Variants in LY6G5C observed in about 807,000 individuals in gnomAD.
LY6G5C encodes the protein lymphocyte antigen 6 family member G5C, also known as lymphocyte antigen 6 complex locus protein G5c.
In LY6G5C, 6 loss-of-function variants were observed where a neutral mutation model predicts 10.5. The ratio of observed to expected loss-of-function variants is 0.57; its 90% confidence interval spans 0.31 to 1.12. The LOEUF is 1.12. LY6G5C is among the 50% of genes most tolerant of loss of function. The probability of loss-of-function intolerance (pLI) is 0.05; values close to 1 mark genes in which losing one functional copy is unlikely to be tolerated. For synonymous variants in LY6G5C, 69 were observed against 67.8 expected (o/e 1.02, Z -0.09); for missense variants, 160 against 185.5 (o/e 0.86, Z 0.80).
At position 31,679,748 on chromosome 6, in the gene LY6G5C, C is replaced by T. The variant is rs1181235403; in HGVS notation, c.122-480G>A. 5.2e-6 allele frequency: 1 copy of T among 192,786 alleles called. No individual in the cohort carries two copies. The highest frequency in any genetic ancestry group is 1.1e-5 in the Non-Finnish European group (1 of 91,482). The allele number at this position is 192,786 out of a possible 1,614,324, so 11.9% of individuals were successfully genotyped here. A position where few individuals can be genotyped will look rare whatever the true frequency, so the allele number is the denominator to read the frequency against. On this transcript the variant is annotated intron_variant, in intron 1 of 2. Transcript: ENST00000383237. The surrounding 1 kb of genome is among the most constrained non-coding windows in gnomAD (Gnocchi z 4.4). ...AAGTGAGACAGCCCTGGGGTGGTCA[C>T]TAGAAATCTCCTTCAGAGGCTGGGT...
upstream of LY6G5C, chr6:31,680,412 G>A: frequency 6.3e-7 from 1 of 1,587,386 alleles, no homozygotes; most frequent in Non-Finnish European, 8.6e-7. The surrounding 1 kb of genome is among the most constrained non-coding windows in gnomAD (Gnocchi z 4.5). Context: ...TATATTGGTG[G>A]AAGAGAGGTT....
chr6:31,677,009 C>G, exon 3 of LY6G5C: 1 of 1,612,972 alleles, frequency 6.2e-7, no homozygotes, highest in Non-Finnish European at 8.5e-7. Flanking sequence ...ATCCAGGAAG[C>G]AGTATTGAGA....
At chr6:31,680,758 G>A (rs1802844246), upstream of LY6G5C, among the ~76,000 whole-genome samples, 1 of 152,242 alleles carries the variant, frequency 6.6e-6, no homozygotes, top group Admixed American at 6.5e-5. This position sits in a 1 kb window ranked among gnomAD's most constrained non-coding sequence, Gnocchi z 4.5. Flanking sequence ...CCACTGACCA[G>A]AGGGATTTCG....
At position 31,679,829 on chromosome 6, in the gene LY6G5C, C is replaced by T. The variant is rs1802782930; in HGVS notation, c.121+424G>A. 1.1e-5 allele frequency: 2 copies of T among 189,466 alleles called. No individual in the cohort carries two copies. The highest frequency in any genetic ancestry group is 5.3e-5 in the Admixed American group (1 of 18,714). The allele number at this position is 189,466 out of a possible 1,614,324, so 11.7% of individuals were successfully genotyped here. A position where few individuals can be genotyped will look rare whatever the true frequency, so the allele number is the denominator to read the frequency against. On this transcript the variant is annotated intron_variant, in intron 1 of 2. Transcript: ENST00000383237. The surrounding 1 kb of genome is among the most constrained non-coding windows in gnomAD (Gnocchi z 4.4). ...TTGGGAGGCCAAGGCGGGCAGGTAC[C>T]TGAGGTCAGGAGTTCGAGACCAGCC...
chr6:31,680,409 G>A, upstream of LY6G5C: 1 of 1,589,618 alleles, frequency 6.3e-7, no homozygotes, highest in Non-Finnish European at 8.6e-7. The surrounding 1 kb of genome is among the most constrained non-coding windows in gnomAD (Gnocchi z 4.5). Context: ...GCTTATATTG[G>A]TGGAAGAGAG....
chr6:31,678,956 G>C, intron 2 of LY6G5C, 145 bp downstream of exon 2: 1 of 901,418 alleles, frequency 1.1e-6, no homozygotes, highest in Non-Finnish European at 1.7e-6. Context: ...CTCCAGCCTG[G>C]GTGACAGAGC....
In LY6G5C at chr6:31,679,370, C is replaced by T. The variant is rs1377567741; in HGVS notation, c.122-102G>A. ...CTCAGCCCCACTCCTCCCTCCCTTC[C>T]TGTCTCAGAAAACCATCAAAGCCCC... On this transcript the variant is annotated intron_variant, in intron 1 of 2. Transcript: ENST00000383237. The surrounding 1 kb of genome is among the most constrained non-coding windows in gnomAD (Gnocchi z 4.4). 1 of 1,317,282 alleles carries T rather than the reference C, an allele frequency of 7.6e-7. No homozygotes were observed. Among genetic ancestry groups the T allele is most frequent in the African/African-American group, 1.5e-5 (1 of 68,954 alleles). The allele number at this position is 1,317,282 out of a possible 1,614,324, so 81.6% of individuals were successfully genotyped here.
rs752321913 is a variant in LY6G5C at position 31,677,054 on chromosome 6, G to A, written c.356C>T (p.Thr119Ile). ...GAAGCCAGACACCGGAGAAGTTCGG[G>A]TATTTGAACAATCACTCATCTGCTC... Residue 119 changes from threonine (T) to isoleucine (I), a missense_variant, in exon 3 of 3, where the codon ACC (threonine) becomes ATC (isoleucine). Physicochemically the swap from Thr to Ile is moderately conservative, Grantham distance 89. Coordinates refer to ENST00000383237, the Ensembl canonical transcript of LY6G5C. The A allele has an allele frequency of 3.3e-5, 53 of 1,612,860 alleles. No individual in the cohort carries two copies. Among genetic ancestry groups the A allele is most frequent in the Admixed American group, 6.7e-5 (4 of 59,980 alleles).
rs1802744590 is a variant in LY6G5C, at chr6:31,679,181, T to C, written c.209A>G (p.Lys70Arg). 2.5e-6 allele frequency: 4 copies of C among 1,612,878 alleles called. No individual in the cohort carries two copies. Among genetic ancestry groups the C allele is most frequent in the African/African-American group, 1.3e-5 (1 of 74,872 alleles). Reference sequence around the variant, plus strand: ...AGATCCCAGAAGGCACCCTAACTCCTTGGTCTCCAAGAGGCATCGGTAGCA... The same window carrying C: ...AGATCCCAGAAGGCACCCTAACTCCCTGGTCTCCAAGAGGCATCGGTAGCA... Residue 70 changes from lysine (K) to arginine (R), a missense_variant, in exon 2 of 3, where the codon AAG becomes AGG. By Grantham distance (26) the Lys-to-Arg change is conservative. Coordinates refer to ENST00000383237, the Ensembl canonical transcript of LY6G5C. The surrounding 1 kb of genome is among the most constrained non-coding windows in gnomAD (Gnocchi z 4.4).
Position 31,680,191 on chromosome 6 carries a change from T to A in LY6G5C, c.121+62A>T. 1.3e-6 allele frequency: 2 copies of A among 1,594,252 alleles called. No homozygotes were observed. Among genetic ancestry groups the A allele is most frequent in the South Asian group, 2.2e-5 (2 of 90,624 alleles). On this transcript the variant is annotated intron_variant, in intron 1 of 2. Transcript: ENST00000383237. This position sits in a 1 kb window ranked among gnomAD's most constrained non-coding sequence, Gnocchi z 4.5. ...TCCTGGACAGGTGTACCCAGACACTTGGTGTCTGTGGGTTTCTCCATCCAG... is the reference window on the plus strand; with the variant it reads ...TCCTGGACAGGTGTACCCAGACACTAGGTGTCTGTGGGTTTCTCCATCCAG...
exon 3 of LY6G5C, chr6:31,676,871 C>G: frequency 7.3e-7 from 1 of 1,361,746 alleles, no homozygotes; most frequent in South Asian, 1.2e-5. Context: ...GTATGAGGGA[C>G]TAGAAGTCCT....
chr6:31,679,265 T>C lies in LY6G5C; in HGVS notation c.125A>G (p.Lys42Arg). The change falls in exon 2 of 3, where the codon AAG becomes AGG. Residue 42 changes from lysine to arginine, a missense_variant. Transcript: ENST00000383237. The surrounding 1 kb of genome is among the most constrained non-coding windows in gnomAD (Gnocchi z 4.4). ...GGGTTCCCAATTGACAGGAACAAAC[T>C]TACCTAGAACACAGAGAAGTGCTGA... 1 of 1,612,882 alleles carries C rather than the reference T, an allele frequency of 6.2e-7. No individual in the cohort carries two copies. The highest frequency in any genetic ancestry group is 1.3e-5 in the African/African-American group (1 of 74,948).
intron 2 of LY6G5C, among the ~76,000 whole-genome samples, chr6:31,678,535 C>T (rs926106616): frequency 4.6e-5 from 7 of 152,146 alleles, no homozygotes; most frequent in Non-Finnish European, 1.0e-4. Flanking sequence ...CAGACAGATG[C>T]GGAAGCAGAC....
chr6:31,681,022 A>G (rs1444592834), upstream of LY6G5C, among the ~76,000 whole-genome samples: 1 of 151,454 alleles, frequency 6.6e-6, no homozygotes, highest in Non-Finnish European at 1.5e-5. Context: ...AGGCTTGCAC[A>G]AGGAAGTGGT....
rs752630621 is a variant in LY6G5C, at chr6:31,679,237, AG to A, written c.152del (p.Pro51LeufsTer22). ...GGTATTTGGGGAATGGAAGTGGTTG[AG>A]GGGGTTCCCAATTGACAGGAACAAA... On this transcript the variant is annotated frameshift_variant, in exon 2 of 3. Coordinates refer to ENST00000383237, the Ensembl canonical transcript of LY6G5C. LOFTEE classifies it high-confidence loss of function. The surrounding 1 kb of genome is among the most constrained non-coding windows in gnomAD (Gnocchi z 4.4). 1 of 1,612,976 alleles carries A rather than the reference AG, an allele frequency of 6.2e-7. No homozygotes were observed. Among genetic ancestry groups the A allele is most frequent in the South Asian group, 1.1e-5 (1 of 91,078 alleles).
chr6:31,679,598 C>A lies in LY6G5C; in HGVS notation c.122-330G>T, dbSNP rs897067208. 7.0e-6 allele frequency: 3 copies of A among 429,306 alleles called. No homozygotes were observed. The highest frequency in any genetic ancestry group is 4.0e-5 in the African/African-American group (2 of 50,494). The allele number at this position is 429,306 out of a possible 1,614,324, so 26.6% of individuals were successfully genotyped here. A position where few individuals can be genotyped will look rare whatever the true frequency, so the allele number is the denominator to read the frequency against. On this transcript the variant is annotated intron_variant, in intron 1 of 2. Transcript: ENST00000383237. This position sits in a 1 kb window ranked among gnomAD's most constrained non-coding sequence, Gnocchi z 4.4. The stretch of plus-strand genomic sequence containing the variant: ...AGTGGGGAGCCCAGCAGGCTGGACT[C>A]AGTCTTGTTCTATCCTGTGGATTCT...
At chr6:31,678,240 C>T (rs550023261) in intron 2 of LY6G5C, among the ~76,000 whole-genome samples, 2 of 152,244 alleles carry the variant, frequency 1.3e-5, no homozygotes, top group East Asian at 1.9e-4. Context: ...GAGCAGGCAT[C>T]GGGAAGGAGT....
chr6:31,680,067 A>T lies in LY6G5C; in HGVS notation c.121+186T>A. ...ATCTCAAAAATAATAATAATAATAAATTTTTAAAAATCTTCAGATTGCACA... is the reference window on the plus strand; with the variant it reads ...ATCTCAAAAATAATAATAATAATAATTTTTTAAAAATCTTCAGATTGCACA... On this transcript the variant is annotated intron_variant, in intron 1 of 2. Coordinates refer to ENST00000383237, the Ensembl canonical transcript of LY6G5C. The surrounding 1 kb of genome is among the most constrained non-coding windows in gnomAD (Gnocchi z 4.5). 1.7e-6 allele frequency: 1 copy of T among 588,850 alleles called. No individual in the cohort carries two copies. Among genetic ancestry groups the T allele is most frequent in the Non-Finnish European group, 3.0e-6 (1 of 335,870 alleles). 36.5% of individuals were successfully genotyped at this position (588,850 alleles called of 1,614,324 possible). A position where few individuals can be genotyped will look rare whatever the true frequency, so the allele number is the denominator to read the frequency against.
chr6:31,677,236 A>T, intron 2 of LY6G5C, 116 bp from the exon 3 acceptor site: 1 of 1,059,812 alleles, frequency 9.4e-7, no homozygotes, highest in Non-Finnish European at 1.3e-6. Context: ...TCCTGTAGTT[A>T]GGCATGGGTG....
Sources: allele counts gnomAD v4.1 joint callset (sites outside exome capture counted in the v4.1 genomes callset), GRCh38; gene constraint gnomAD v4.1.1; non-coding constraint Gnocchi (gnomAD v3.1); transcripts MANE v1.5; gene names NCBI Gene and HGNC (gene_info 2026-07-23, HGNC 2026-07-21).